NRXN1: variants seen among roughly 807,000 people sequenced by gnomAD.
NRXN1 encodes neurexin 1.
NRXN1 carries 39 observed loss-of-function variants against 150.9 expected under a neutral mutation model. The observed-to-expected ratio is 0.26, with a 90% CI of 0.20 to 0.34. The LOEUF (loss-of-function observed/expected upper bound fraction) is 0.34. NRXN1 is among the 10% of genes least tolerant of loss of function. The pLI is 1.00. For missense variants in NRXN1, 1,815 were observed against 1,949.9 expected, an observed-to-expected ratio of 0.93 and a Z score of 1.30; for synonymous variants, 924 against 757.0, an observed-to-expected ratio of 1.22 and a Z score of -3.62.
intron 17 of NRXN1, among the ~76,000 whole-genome samples, chr2:50,308,931 T>C (rs111513970): frequency 0.033 from 4,970 of 152,208 alleles, 269 homozygotes; most frequent in African/African-American, 0.11. Flanking sequence ...TGATAATCGT[T>C]AAGGTTTTGT....
At chr2:50,275,930 G>A (rs747075584) in intron 17 of NRXN1, among the ~76,000 whole-genome samples, 1 of 136,930 alleles carries the variant, frequency 7.3e-6, no homozygotes, top group African/African-American at 2.8e-5. Flanking sequence ...AAATTAAATT[G>A]TTCAATCACT....
chr2:50,295,097 T>A (rs1433452753), intron 17 of NRXN1, among the ~76,000 whole-genome samples: 2 of 152,330 alleles, frequency 1.3e-5, no homozygotes, highest in East Asian at 3.9e-4. Context: ...TGTTCCATTT[T>A]CTGACTCTGT....
chr2:50,263,747 G>C (rs1414920617), intron 17 of NRXN1, among the ~76,000 whole-genome samples: 2 of 152,102 alleles, frequency 1.3e-5, no homozygotes, highest in Non-Finnish European at 2.9e-5. Flanking sequence ...AGGTCTCCAA[G>C]CTGTCTGTGC....
intron 9 of NRXN1, among the ~76,000 whole-genome samples, chr2:50,538,991 C>T (rs1161792995): frequency 6.6e-6 from 1 of 152,080 alleles, no homozygotes; most frequent in Non-Finnish European, 1.5e-5. Context: ...GTCAGATTCC[C>T]CTGGGTTAGT....
rs2091738728 is a variant in NRXN1, at chr2:50,497,996, A to G, written c.2498-282T>C. Among the ~76,000 whole-genome samples, 3 of 152,176 alleles carry G rather than the reference A, an allele frequency of 2.0e-5. No individual in the cohort carries two copies. The South Asian group carries it at 6.2e-4, about 32-fold the overall frequency. On this transcript the variant is annotated intron_variant, in intron 13 of 22. Coordinates refer to ENST00000401669, the MANE Select transcript of NRXN1 (RefSeq NM_001330078.2). Reference sequence around the variant, plus strand: ...ATCTTTTAAAGGCGAAAAATAAACAAATTAGCAAGAGAGTGAGCACATAGT... The same window carrying G: ...ATCTTTTAAAGGCGAAAAATAAACAGATTAGCAAGAGAGTGAGCACATAGT...
intron 2 of NRXN1, among the ~76,000 whole-genome samples, chr2:50,968,394 A>G (rs570659971): frequency 6.6e-6 from 1 of 152,232 alleles, no homozygotes; most frequent in African/African-American, 2.4e-5. Flanking sequence ...AACTGAGTAA[A>G]TGGAAGTGAC....
At chr2:50,544,864 G>A (rs1343920575) in intron 9 of NRXN1, among the ~76,000 whole-genome samples, 2 of 152,076 alleles carry the variant, frequency 1.3e-5, no homozygotes, top group Non-Finnish European at 2.9e-5. Flanking sequence ...TTCTTCCATA[G>A]AGAAATGCCT....
At chr2:50,222,123 A>AT (rs2063944415) in intron 18 of NRXN1, among the ~76,000 whole-genome samples, 1 of 151,972 alleles carries the variant, frequency 6.6e-6, no homozygotes, top group African/African-American at 2.4e-5. Context: ...ACCCAGGAGG[A>AT]TATTAACCTC....
intron 17 of NRXN1, among the ~76,000 whole-genome samples, chr2:50,447,596 A>T (rs1008597579): frequency 6.8e-5 from 10 of 147,082 alleles, no homozygotes; most frequent in African/African-American, 2.5e-4. Flanking sequence ...GTTTACATCC[A>T]GGATTTTCTT....
chr2:50,987,816 G>C (rs1267282660), intron 2 of NRXN1, among the ~76,000 whole-genome samples: 2 of 151,882 alleles, frequency 1.3e-5, no homozygotes, highest in African/African-American at 2.4e-5. Context: ...ATTCACACCA[G>C]AGACCACTAA....
intron 21 of NRXN1, among the ~76,000 whole-genome samples, chr2:49,971,701 C>T (rs182355756): frequency 6.6e-6 from 1 of 152,232 alleles, no homozygotes; most frequent in African/African-American, 2.4e-5. Context: ...GAGCATATTG[C>T]TGCTTAGTGA....
chr2:50,119,540 G>T (rs978515622), intron 18 of NRXN1, among the ~76,000 whole-genome samples: 1 of 149,138 alleles, frequency 6.7e-6, no homozygotes, highest in East Asian at 2.0e-4. Context: ...ACAGGGAAGG[G>T]TTGAAAGAAA....
chr2:50,231,340 G>T (rs1195572842), intron 18 of NRXN1, among the ~76,000 whole-genome samples: 1 of 152,140 alleles, frequency 6.6e-6, no homozygotes, highest in South Asian at 2.1e-4. Flanking sequence ...TAATAGACCA[G>T]CAAGATAAAT....
At chr2:50,011,332 G>T (rs1194574577) in intron 21 of NRXN1, among the ~76,000 whole-genome samples, 2 of 152,116 alleles carry the variant, frequency 1.3e-5, no homozygotes, top group East Asian at 3.9e-4. Flanking sequence ...GCTCAAAATT[G>T]TACAAGGAAC....
intron 17 of NRXN1, among the ~76,000 whole-genome samples, chr2:50,450,427 G>C (rs1265618494): frequency 1.7e-5 from 2 of 118,990 alleles, no homozygotes; most frequent in Non-Finnish European, 3.2e-5. Flanking sequence ...GATAGGTCAT[G>C]GAGCAAAACA....
intron 20 of NRXN1, 149 bp downstream of exon 20, chr2:50,054,806 A>T (rs1693348361): frequency 1.8e-6 from 1 of 542,048 alleles, no homozygotes; most frequent in South Asian, 2.6e-5. Flanking sequence ...GTATGCAAAT[A>T]TTACTATCTA....
At chr2:50,418,389 C>T (rs941587079) in intron 17 of NRXN1, among the ~76,000 whole-genome samples, 1 of 152,072 alleles carries the variant, frequency 6.6e-6, no homozygotes, top group African/African-American at 2.4e-5. Flanking sequence ...CCAACACACA[C>T]AGCTGTTTTA....
At chr2:50,384,292 G>T (rs544398253) in intron 17 of NRXN1, among the ~76,000 whole-genome samples, 3 of 151,910 alleles carry the variant, frequency 2.0e-5, no homozygotes, top group Non-Finnish European at 2.9e-5. Flanking sequence ...GGATCACGAG[G>T]TCAGGAGATT....
rs570798158 is a variant in NRXN1 at position 50,291,540 on chromosome 2, G to T, written c.3365-54570C>A. On this transcript the variant is annotated intron_variant, in intron 17 of 22. Coordinates refer to ENST00000401669, the MANE Select transcript of NRXN1 (RefSeq NM_001330078.2). The stretch of plus-strand genomic sequence containing the variant: ...TAGAGAAGCATTCATCCCTGGAACT[G>T]AGACTCCCTGAAAAAGCCATCCTCC... Among the ~76,000 whole-genome samples, 15 of 152,248 alleles carry T rather than the reference G, an allele frequency of 9.9e-5. No homozygotes were observed. In the South Asian group the frequency reaches 2.5e-3, roughly 25 times the overall value.
Sources: gnomAD v4.1 joint callset for allele counts (sites outside exome capture counted in the v4.1 genomes callset) on GRCh38, gnomAD v4.1.1 for gene constraint, MANE v1.5 for transcripts, NCBI Gene and HGNC (gene_info 2026-07-23, HGNC 2026-07-21) for gene names.